The following KDM2A variants were observed in gnomAD, a reference collection of about 807,000 sequenced individuals.
The protein encoded by KDM2A is lysine demethylase 2A.
Under a neutral mutation model 137.3 loss-of-function variants are expected in KDM2A, and 3 were observed. The ratio of observed to expected loss-of-function variants is 0.02; its 90% CI spans 0.01 to 0.06. KDM2A has a LOEUF of 0.06. Among genes scored for constraint, KDM2A ranks in the 10% least tolerant of loss-of-function variants. The pLI is 1.00. For missense variants in KDM2A, 738 were observed against 1,510.6 expected (o/e 0.49, Z 8.48); for synonymous variants, 512 against 541.5 (o/e 0.95, Z 0.76).
chr11:67,161,243 C>T (rs914511475), intron 2 of KDM2A, among the ~76,000 whole-genome samples: 2 of 152,140 alleles, frequency 1.3e-5, no homozygotes, highest in African/African-American at 2.4e-5. Flanking sequence ...AAAAACAAGA[C>T]TTTAGTGATG....
intron 2 of KDM2A, among the ~76,000 whole-genome samples, chr11:67,146,481 A>G (rs948629730): frequency 6.6e-6 from 1 of 152,054 alleles, no homozygotes; most frequent in African/African-American, 2.4e-5. Flanking sequence ...TTTTCTATCT[A>G]CTGTGACAGA....
chr11:67,235,534 C>T (rs1858844568), intron 12 of KDM2A, among the ~76,000 whole-genome samples: 1 of 151,854 alleles, frequency 6.6e-6, no homozygotes, highest in African/African-American at 2.4e-5. Flanking sequence ...AACTCCTGAC[C>T]TCAGATGATC....
intron 6 of KDM2A, among the ~76,000 whole-genome samples, chr11:67,208,698 G>A (rs1204260766): frequency 6.7e-6 from 1 of 149,938 alleles, no homozygotes; most frequent in African/African-American, 2.5e-5. Context: ...TTGAACCTGG[G>A]AGGCAGAGGT....
intron 5 of KDM2A, among the ~76,000 whole-genome samples, chr11:67,194,163 G>A (rs866187180): frequency 6.6e-6 from 1 of 152,060 alleles, no homozygotes; most frequent in Admixed American, 6.6e-5. Flanking sequence ...TCTAGTATTA[G>A]TTTAAAATGT....
At chr11:67,234,295 G>GAA (rs1565417573) in intron 12 of KDM2A, among the ~76,000 whole-genome samples, 1 of 152,190 alleles carries the variant, frequency 6.6e-6, no homozygotes, top group Non-Finnish European at 1.5e-5. Flanking sequence ...GGTGCTTATA[G>GAA]CACTGATGGC....
intron 2 of KDM2A, among the ~76,000 whole-genome samples, chr11:67,143,020 C>CTTTTTTT (rs1194089199): frequency 1.6e-5 from 2 of 126,442 alleles, no homozygotes; most frequent in African/African-American, 3.1e-5. Flanking sequence ...TATATCTATT[C>CTTTTTTT]TTTTTTTTTT....
intron 2 of KDM2A, among the ~76,000 whole-genome samples, chr11:67,149,805 C>T (rs776321229): frequency 2.0e-5 from 3 of 150,454 alleles, no homozygotes; most frequent in Non-Finnish European, 4.4e-5. Context: ...ACTGCAACCT[C>T]GGCCTCCCAG....
intron 10 of KDM2A, among the ~76,000 whole-genome samples, chr11:67,225,977 A>G (rs760451691): frequency 2.6e-5 from 4 of 152,182 alleles, no homozygotes; most frequent in Non-Finnish European, 5.9e-5. Flanking sequence ...AGGCAGGAGA[A>G]TCGCTTGAAC....
chr11:67,143,533 GCTT>G (rs1170136442), intron 2 of KDM2A, among the ~76,000 whole-genome samples: 3 of 152,156 alleles, frequency 2.0e-5, no homozygotes, highest in Admixed American at 6.5e-5. Context: ...CACTTCAAAA[GCTT>G]CTTTACAACC....
chr11:67,120,595 T>C (rs1373684841), intron 1 of KDM2A, among the ~76,000 whole-genome samples: 1 of 152,192 alleles, frequency 6.6e-6, no homozygotes, highest in Non-Finnish European at 1.5e-5. Flanking sequence ...GATGGAATTT[T>C]GGTCCTTGAT....
intron 2 of KDM2A, among the ~76,000 whole-genome samples, chr11:67,135,081 C>G (rs1026254563): frequency 6.6e-6 from 1 of 150,572 alleles, no homozygotes; most frequent in Non-Finnish European, 1.5e-5. Context: ...TTTTTTTTTC[C>G]CCCTGAGACG....
At chr11:67,248,214 C>A in intron 15 of KDM2A, 67 bp from the exon 16 acceptor site, 1 of 1,160,006 alleles carries the variant, frequency 8.6e-7, no homozygotes, top group Non-Finnish European at 1.3e-6. Context: ...CTCTTCCCAA[C>A]TGTGTTATTG....
At position 67,219,692 on chromosome 11, in the gene KDM2A, C is replaced by T. The variant is rs539222913; in HGVS notation, c.957+289C>T. Reference sequence around the variant, plus strand: ...CCTCAGCCTCCCAAGTAGCTGGGACCGTGGGTGCACACCACATCTGACTAA... The same window carrying T: ...CCTCAGCCTCCCAAGTAGCTGGGACTGTGGGTGCACACCACATCTGACTAA... On this transcript the variant is annotated intron_variant, in intron 10 of 20. Coordinates refer to ENST00000529006, the MANE Select transcript of KDM2A (RefSeq NM_012308.3). 11 of 187,536 alleles carry T rather than the reference C, an allele frequency of 5.9e-5. No individual in the cohort carries two copies. The East Asian group carries it at 1.7e-3, about 29-fold the overall frequency. 11.6% of individuals were successfully genotyped at this position (187,536 alleles called of 1,614,324 possible).
intron 2 of KDM2A, among the ~76,000 whole-genome samples, chr11:67,129,530 C>T (rs1329357804): frequency 2.0e-5 from 3 of 151,726 alleles, no homozygotes; most frequent in Non-Finnish European, 4.4e-5. Flanking sequence ...GTCAGGAGAT[C>T]GAGACCATCC....
intron 6 of KDM2A, among the ~76,000 whole-genome samples, chr11:67,212,426 A>G (rs1299534667): frequency 6.6e-6 from 1 of 152,180 alleles, no homozygotes; most frequent in Non-Finnish European, 1.5e-5. Context: ...CCATTCCAGC[A>G]ATAACTGAGA....
chr11:67,178,594 A>G (rs1379439283), intron 2 of KDM2A, among the ~76,000 whole-genome samples: 1 of 152,034 alleles, frequency 6.6e-6, no homozygotes, highest in East Asian at 1.9e-4. Context: ...TTCTGTCTCT[A>G]TGGATTTGCC....
At chr11:67,132,703 A>G (rs1285564730) in intron 2 of KDM2A, among the ~76,000 whole-genome samples, 3 of 152,224 alleles carry the variant, frequency 2.0e-5, no homozygotes, top group East Asian at 3.9e-4. Context: ...TTGAGGTGAC[A>G]GGAACCCTGA....
intron 2 of KDM2A, among the ~76,000 whole-genome samples, chr11:67,137,834 G>A (rs1412825492): frequency 6.6e-6 from 1 of 152,154 alleles, no homozygotes; most frequent in Non-Finnish European, 1.5e-5. Flanking sequence ...TCTCAGCTCT[G>A]TCGCCCAGGC....
Position 67,250,874 on chromosome 11 carries a change from C to T in KDM2A, c.2768+76C>T. On this transcript the variant is annotated intron_variant, in intron 17 of 20. Coordinates refer to ENST00000529006, the MANE Select transcript of KDM2A (RefSeq NM_012308.3). This position sits in a 1 kb window ranked among gnomAD's most constrained non-coding sequence, Gnocchi z 7.1. Reference sequence around the variant, plus strand: ...AGGTTTTCCATATGAGAACAGCATGCACCTTGGCATCTGAAAGCCTGTGGG... The same window carrying T: ...AGGTTTTCCATATGAGAACAGCATGTACCTTGGCATCTGAAAGCCTGTGGG... 9.0e-7 allele frequency: 1 copy of T among 1,109,332 alleles called. No homozygotes were observed. The highest frequency in any genetic ancestry group is 1.6e-5 in the South Asian group (1 of 64,336). The allele number at this position is 1,109,332 out of a possible 1,614,324, so 68.7% of individuals were successfully genotyped here.
Sources: gnomAD v4.1 joint callset for allele counts (sites outside exome capture counted in the v4.1 genomes callset) on GRCh38, gnomAD v4.1.1 for gene constraint, Gnocchi (gnomAD v3.1) non-coding constraint, MANE v1.5 for transcripts, NCBI Gene and HGNC (gene_info 2026-07-23, HGNC 2026-07-21) for gene names.